Variants in ESR1 observed in about 807,000 individuals in gnomAD.
ESR1 encodes estrogen receptor 1.
Under a neutral mutation model 52.7 loss-of-function variants are expected in ESR1, and 12 were observed. The observed-to-expected ratio is 0.23, with a 90% CI of 0.15 to 0.37. The LOEUF (loss-of-function observed/expected upper bound fraction) is 0.37, where lower values mean the gene tolerates loss of function less well. Among genes scored for constraint, ESR1 ranks in the 10% least tolerant of loss-of-function variants. The probability of loss-of-function intolerance (pLI) is 1.00; values close to 1 mark genes in which losing one functional copy is unlikely to be tolerated. For missense variants in ESR1, 584 were observed against 779.7 expected, an observed-to-expected ratio of 0.75 and a Z score of 2.99; for synonymous variants, 305 against 316.8, an observed-to-expected ratio of 0.96 and a Z score of 0.39.
chr6:151,707,343 G>A (rs1727993334), intron 2 of ESR1, among the ~76,000 whole-genome samples: 2 of 151,860 alleles, frequency 1.3e-5, no homozygotes, highest in Admixed American at 1.3e-4. Flanking sequence ...ATATGTATGT[G>A]TGTGGGTATA....
intron 1 of ESR1, among the ~76,000 whole-genome samples, chr6:151,696,069 A>C (rs1291478508): frequency 6.6e-6 from 1 of 152,188 alleles, no homozygotes; most frequent in Non-Finnish European, 1.5e-5. Context: ...TTTAACTCAT[A>C]TTGTTAAATT....
chr6:152,045,955 T>G (rs1053578060), intron 5 of ESR1, among the ~76,000 whole-genome samples: 1 of 152,236 alleles, frequency 6.6e-6, no homozygotes, highest in Non-Finnish European at 1.5e-5. Flanking sequence ...AAAAAGTCAC[T>G]GAATCATTAT....
At chr6:152,059,433 A>G (rs917307056) in intron 5 of ESR1, among the ~76,000 whole-genome samples, 13 of 152,036 alleles carry the variant, frequency 8.6e-5, no homozygotes, top group Admixed American at 2.6e-4. Context: ...AATACCAGGA[A>G]CAACATCAGA....
rs553910010 is a variant in ESR1 at position 151,834,391 on chromosome 6, C to A, written c.453-8206C>A. On this transcript the variant is annotated intron_variant, in intron 1 of 7. Transcript: ENST00000206249. The stretch of plus-strand genomic sequence containing the variant: ...ACATAAAAAAGGATGAAGTAATGTC[C>A]TTTGCAGGGACATGGGTGAAGCTGG... Among the ~76,000 whole-genome samples, 12 of 152,270 alleles carry A rather than the reference C, an allele frequency of 7.9e-5. No individual in the cohort carries two copies. The South Asian group carries it at 2.1e-3, about 26-fold the overall frequency.
intron 3 of ESR1, among the ~76,000 whole-genome samples, chr6:151,887,211 C>T (rs1320805066): frequency 6.6e-6 from 1 of 151,682 alleles, no homozygotes; most frequent in Non-Finnish European, 1.5e-5. Context: ...TTGGGGTGCT[C>T]CTATTTAGGA....
chr6:151,973,965 A>G (rs1272398503), intron 4 of ESR1, among the ~76,000 whole-genome samples: 1 of 152,190 alleles, frequency 6.6e-6, no homozygotes, highest in Non-Finnish European at 1.5e-5. Context: ...TGTAAAGGCC[A>G]GGTAGTTAGT....
chr6:151,856,864 C>A (rs1459899997), intron 2 of ESR1, among the ~76,000 whole-genome samples: 1 of 152,148 alleles, frequency 6.6e-6, no homozygotes, highest in Non-Finnish European at 1.5e-5. Context: ...TTTGTTCCCA[C>A]ATCTCCTTAC....
At chr6:151,985,507 C>CAAAAAAAA (rs560626079) in intron 4 of ESR1, among the ~76,000 whole-genome samples, 2 of 51,340 alleles carry the variant, frequency 3.9e-5, no homozygotes, top group East Asian at 9.8e-4. Flanking sequence ...GACTCTGTCT[C>CAAAAAAAA]AAAAAAAAAA....
rs1277096704 is a variant in ESR1, at chr6:152,053,223, G to A, written c.1236-7768G>A. On this transcript the variant is annotated intron_variant, in intron 5 of 7. Coordinates refer to ENST00000206249, the MANE Select transcript of ESR1 (RefSeq NM_000125.4). The surrounding 1 kb of genome is among the most constrained non-coding windows in gnomAD (Gnocchi z 4.1). ...CCTCCCTCCCTCAGTCCCTCCCTTA[G>A]TCTATCTCACTCTACCATCTTTTCC... 6.6e-6 allele frequency among the ~76,000 whole-genome samples: 1 copy of A among 151,334 alleles called. No homozygotes were observed. Among genetic ancestry groups the A allele is most frequent in the Non-Finnish European group, 1.5e-5 (1 of 67,836 alleles).
At chr6:152,087,751 A>G (rs749491) in intron 6 of ESR1, among the ~76,000 whole-genome samples, 67,562 of 152,096 alleles carry the variant, frequency 0.44, 16,768 homozygotes, top group African/African-American at 0.66. Flanking sequence ...CAAGGATACA[A>G]TCCATGTTTT....
chr6:151,818,092 C>T (rs1779962798), intron 1 of ESR1, among the ~76,000 whole-genome samples: 1 of 152,142 alleles, frequency 6.6e-6, no homozygotes, highest in African/African-American at 2.4e-5. Flanking sequence ...GTTTTTAATG[C>T]TTCCCCAGTC....
At chr6:152,095,717 A>G (rs561081263) in intron 7 of ESR1, among the ~76,000 whole-genome samples, 10 of 152,200 alleles carry the variant, frequency 6.6e-5, no homozygotes, top group Non-Finnish European at 1.5e-4. Context: ...CACTCCTTGC[A>G]GGAAGCATCT....
chr6:152,088,209 C>T (rs915910230), intron 6 of ESR1, among the ~76,000 whole-genome samples: 1 of 151,936 alleles, frequency 6.6e-6, no homozygotes, highest in Non-Finnish European at 1.5e-5. Flanking sequence ...AAGTAGGAAA[C>T]ATAATAAAGT....
chr6:152,000,016 A>C (rs1312227746), intron 4 of ESR1, among the ~76,000 whole-genome samples: 1 of 152,024 alleles, frequency 6.6e-6, no homozygotes, highest in Non-Finnish European at 1.5e-5. Flanking sequence ...AGAATTTGCT[A>C]TCTGTGTAAT....
intron 3 of ESR1, among the ~76,000 whole-genome samples, chr6:151,927,306 T>G (rs2032903894): frequency 6.6e-6 from 1 of 152,182 alleles, no homozygotes; most frequent in Non-Finnish European, 1.5e-5. Flanking sequence ...TAGTTTTACT[T>G]TCTTATAATA....
intron 2 of ESR1, among the ~76,000 whole-genome samples, chr6:151,706,149 C>A (rs554354236): frequency 2.0e-5 from 3 of 152,198 alleles, no homozygotes; most frequent in Admixed American, 2.0e-4. Context: ...ACCCTGCATG[C>A]ACATATAGAT....
chr6:151,950,702 G>A (rs1036623538), intron 4 of ESR1, among the ~76,000 whole-genome samples: 24 of 151,992 alleles, frequency 1.6e-4, no homozygotes, highest in African/African-American at 5.8e-4. Context: ...AAGGTTTACT[G>A]GCTAACATCG....
upstream of ESR1, among the ~76,000 whole-genome samples, chr6:151,688,957 T>C (rs1778793926): frequency 6.6e-6 from 1 of 152,300 alleles, no homozygotes; most frequent in South Asian, 2.1e-4. Context: ...TGCAAACGAA[T>C]ATCAATAATA....
At chr6:151,778,804 T>C (rs929266672) in intron 2 of ESR1, among the ~76,000 whole-genome samples, 1 of 152,226 alleles carries the variant, frequency 6.6e-6, no homozygotes, top group South Asian at 2.1e-4. Context: ...TGGAAATTTC[T>C]TTATGTGATT....
Sources: gnomAD v4.1 joint callset for allele counts (sites outside exome capture counted in the v4.1 genomes callset) on GRCh38, gnomAD v4.1.1 for gene constraint, Gnocchi (gnomAD v3.1) non-coding constraint, MANE v1.5 for transcripts, NCBI Gene and HGNC (gene_info 2026-07-23, HGNC 2026-07-21) for gene names.